METTL15: variants seen among roughly 807,000 people sequenced by gnomAD.
METTL15 encodes the protein methyltransferase 15, mitochondrial 12S rRNA N4-cytidine.
Under a neutral mutation model 38.3 loss-of-function variants are expected in METTL15, and 34 were observed. That is an observed-to-expected ratio of 0.89 (90% CI 0.68 to 1.18). The LOEUF is 1.18. Among genes scored for constraint, METTL15 ranks in the 50% most tolerant of loss-of-function variants. The pLI is 0.00. For synonymous variants in METTL15, 162 were observed against 170.9 expected (o/e 0.95, Z 0.41); for missense variants, 438 against 498.4 (o/e 0.88, Z 1.15).
intron 6 of METTL15, among the ~76,000 whole-genome samples, chr11:28,520,430 C>G (rs1044677978): frequency 3.3e-5 from 5 of 152,106 alleles, no homozygotes; most frequent in Non-Finnish European, 7.4e-5. Context: ...GGTGAGGCTG[C>G]CCTGGGAGCC....
chr11:28,518,169 A>T (rs1481493562), intron 6 of METTL15, among the ~76,000 whole-genome samples: 2 of 151,436 alleles, frequency 1.3e-5, no homozygotes, highest in African/African-American at 2.4e-5. Flanking sequence ...AGAAAGGTTT[A>T]AAAAAAAAGC....
intron 4 of METTL15, among the ~76,000 whole-genome samples, chr11:28,262,939 G>A (rs567235065): frequency 6.6e-6 from 1 of 152,134 alleles, no homozygotes; most frequent in East Asian, 1.9e-4. Flanking sequence ...TGTTTTTATA[G>A]ATCTTGAGAT....
intron 4 of METTL15, among the ~76,000 whole-genome samples, chr11:28,215,436 G>A (rs1590170391): frequency 6.6e-6 from 1 of 151,912 alleles, no homozygotes; most frequent in Non-Finnish European, 1.5e-5. Context: ...AGTGTGGCTC[G>A]CCTCTGAGGA....
At chr11:28,167,491 CT>C (rs1850697530) in intron 3 of METTL15, among the ~76,000 whole-genome samples, 1 of 152,076 alleles carries the variant, frequency 6.6e-6, no homozygotes. Context: ...CACCGTAGTA[CT>C]TTTTTCTCTA....
At chr11:28,255,383 A>G (rs1854929636) in intron 4 of METTL15, among the ~76,000 whole-genome samples, 1 of 152,198 alleles carries the variant, frequency 6.6e-6, no homozygotes, top group East Asian at 1.9e-4. Context: ...ATATAAGATC[A>G]TATCATCTGC....
intron 6 of METTL15, among the ~76,000 whole-genome samples, chr11:28,502,678 G>T (rs1851594794): frequency 6.6e-6 from 1 of 152,192 alleles, no homozygotes; most frequent in African/African-American, 2.4e-5. Flanking sequence ...AAATCTTAGT[G>T]TAAAAAGAAA....
At chr11:28,512,482 G>T (rs1312184329) in intron 6 of METTL15, among the ~76,000 whole-genome samples, 1 of 152,212 alleles carries the variant, frequency 6.6e-6, no homozygotes, top group East Asian at 1.9e-4. Flanking sequence ...GCCCAGTGGG[G>T]AGGCAGCTAA....
chr11:28,392,597 C>A (rs1041498097), intron 5 of METTL15, among the ~76,000 whole-genome samples: 4 of 151,918 alleles, frequency 2.6e-5, no homozygotes, highest in African/African-American at 9.7e-5. Context: ...TTGGATTTTG[C>A]AGTGATTTAT....
intron 4 of METTL15, among the ~76,000 whole-genome samples, chr11:28,214,626 G>A (rs971426794): frequency 5.9e-5 from 9 of 151,948 alleles, no homozygotes; most frequent in Admixed American, 2.0e-4. Flanking sequence ...TCTCAATCAA[G>A]GACAAGCAGT....
At chr11:28,353,200 G>A (rs982479974) in intron 4 of METTL15, among the ~76,000 whole-genome samples, 7 of 152,182 alleles carry the variant, frequency 4.6e-5, no homozygotes, top group Admixed American at 4.6e-4. Context: ...GAAAGGGGGT[G>A]ATGACCAACT....
chr11:28,244,110 A>G (rs1358724438), intron 4 of METTL15, among the ~76,000 whole-genome samples: 1 of 152,226 alleles, frequency 6.6e-6, no homozygotes, highest in Non-Finnish European at 1.5e-5. Flanking sequence ...TTTAAAAACA[A>G]AAACAAAAAA....
intron 4 of METTL15, among the ~76,000 whole-genome samples, chr11:28,254,731 A>T (rs1482280406): frequency 1.3e-5 from 2 of 151,376 alleles, no homozygotes; most frequent in African/African-American, 4.9e-5. Context: ...TTTATTGAAG[A>T]CTCTCCTTTC....
intron 3 of METTL15, among the ~76,000 whole-genome samples, chr11:28,146,874 A>G (rs531810118): frequency 2.3e-4 from 35 of 152,088 alleles, no homozygotes; most frequent in African/African-American, 7.9e-4. Context: ...CGTTTTTAAA[A>G]GTCTTTTCCT....
chr11:28,319,991 C>T (rs1347836014), intron 6 of METTL15, among the ~76,000 whole-genome samples: 2 of 152,086 alleles, frequency 1.3e-5, no homozygotes, highest in East Asian at 3.9e-4. Flanking sequence ...TATAATTCTT[C>T]TTTATAGCAC....
At chr11:28,441,003 T>A (rs533886907) in intron 6 of METTL15, among the ~76,000 whole-genome samples, 7 of 152,252 alleles carry the variant, frequency 4.6e-5, no homozygotes, top group Middle Eastern at 3.4e-3. Flanking sequence ...AGAAACAATT[T>A]TTTTTTGTGG....
At chr11:28,252,040 A>C (rs749932579) in intron 4 of METTL15, among the ~76,000 whole-genome samples, 1 of 152,082 alleles carries the variant, frequency 6.6e-6, no homozygotes, top group Non-Finnish European at 1.5e-5. Flanking sequence ...CCTAACTTCA[A>C]ATTTGCTTCT....
At chr11:28,327,882 T>G in intron 6 of METTL15, 2 of 425,654 alleles carry the variant, frequency 4.7e-6, no homozygotes, top group Non-Finnish European at 8.3e-6. Context: ...GCCTTTCTAT[T>G]TTATGAATTA....
chr11:28,113,440 AC>A lies in METTL15; in HGVS notation c.107del (p.Thr36LysfsTer40). 6.2e-7 allele frequency: 1 copy of A among 1,610,494 alleles called. No individual in the cohort carries two copies. Among genetic ancestry groups the A allele is most frequent in the Non-Finnish European group, 8.5e-7 (1 of 1,178,630 alleles). On this transcript the variant is annotated frameshift_variant, in exon 3 of 7. Coordinates refer to ENST00000407364, the MANE Select transcript of METTL15 (RefSeq NM_001113528.2). LOFTEE classifies it high-confidence loss of function. Reference protein sequence around the residue: ...LGVWPNRIHTTAEKYREYEAR... With the variant: ...LGVWPNRIHTXAEKYREYEAR... ...TGTCTGGCCAAACAGAATACATACT[AC>A]AGCAGAAAAATATAGAGAATATGAA...
intron 3 of METTL15, among the ~76,000 whole-genome samples, chr11:28,206,173 A>G (rs1357589267): frequency 2.7e-5 from 4 of 150,480 alleles, no homozygotes; most frequent in Admixed American, 2.0e-4. Flanking sequence ...TAGACATGAA[A>G]TCCTTAGCCA....
Sources: allele counts gnomAD v4.1 joint callset (sites outside exome capture counted in the v4.1 genomes callset), GRCh38; gene constraint gnomAD v4.1.1; transcripts MANE v1.5; gene names NCBI Gene and HGNC (gene_info 2026-07-23, HGNC 2026-07-21).